The following ADGRL3 variants were observed in gnomAD, a reference collection of about 807,000 sequenced individuals.
ADGRL3 encodes adhesion G protein-coupled receptor L3, also known as calcium-independent alpha-latrotoxin receptor 3.
Under a neutral mutation model 153.5 loss-of-function variants are expected in ADGRL3, and 62 were observed. The observed-to-expected ratio is 0.40, with a 90% CI of 0.33 to 0.50. The LOEUF (loss-of-function observed/expected upper bound fraction) is 0.50. Among genes scored for constraint, ADGRL3 ranks in the 20% least tolerant of loss-of-function variants. The probability of loss-of-function intolerance (pLI) is 0.47; values close to 1 mark genes in which losing one functional copy is unlikely to be tolerated. For missense variants in ADGRL3, 1,641 were observed against 1,859.4 expected (o/e 0.88, Z 2.16); for synonymous variants, 710 against 672.5 (o/e 1.06, Z -0.86).
chr4:61,281,845 A>C (rs1384923733), intron 1 of ADGRL3, among the ~76,000 whole-genome samples: 1 of 152,152 alleles, frequency 6.6e-6, no homozygotes, highest in Non-Finnish European at 1.5e-5. Context: ...TTATATTTAA[A>C]AATAGTTTTT....
At chr4:61,577,262 T>G (rs1427292261) in intron 4 of ADGRL3, among the ~76,000 whole-genome samples, 1 of 151,312 alleles carries the variant, frequency 6.6e-6, no homozygotes, top group Non-Finnish European at 1.5e-5. Flanking sequence ...GTGAATAGAT[T>G]GTGCATTTCT....
chr4:61,722,000 A>T (rs1016295878), intron 6 of ADGRL3, among the ~76,000 whole-genome samples: 3 of 152,202 alleles, frequency 2.0e-5, no homozygotes, highest in African/African-American at 7.2e-5. Context: ...TTGGAAGATT[A>T]TAGTAATGAA....
rs546571193 is a variant in ADGRL3 at position 61,323,260 on chromosome 4, C to T, written c.-239-59864C>T. 7.9e-4 allele frequency among the ~76,000 whole-genome samples: 121 copies of T among 152,268 alleles called. 1 individual carries two copies. Among genetic ancestry groups the T allele is most frequent in the African/African-American group, 2.7e-3 (114 of 41,560 alleles). The stretch of plus-strand genomic sequence containing the variant: ...ACTTTTTCTACCTATGCCTTCAGGC[C>T]TGTGATGGGAGGGGCTGCTGCAAAG... On this transcript the variant is annotated intron_variant, in intron 1 of 26. Coordinates refer to ENST00000683033, the MANE Select transcript of ADGRL3 (RefSeq NM_001387552.1).
At chr4:61,382,647 G>A (rs116576525) in intron 1 of ADGRL3, among the ~76,000 whole-genome samples, 33 of 151,630 alleles carry the variant, frequency 2.2e-4, no homozygotes, top group African/African-American at 8.0e-4. Context: ...CAGTATTTGT[G>A]TCTGTATACA....
chr4:61,773,421 A>T (rs896791434), intron 8 of ADGRL3, among the ~76,000 whole-genome samples: 1 of 152,194 alleles, frequency 6.6e-6, no homozygotes, highest in Non-Finnish European at 1.5e-5. Flanking sequence ...AACAATCCAG[A>T]TTATAACCTC....
chr4:61,899,072 G>A (rs2098648811), intron 11 of ADGRL3, among the ~76,000 whole-genome samples: 1 of 152,102 alleles, frequency 6.6e-6, no homozygotes, highest in Non-Finnish European at 1.5e-5. Context: ...ATTCACCTGT[G>A]CAAGCTTCTA....
intron 5 of ADGRL3, among the ~76,000 whole-genome samples, chr4:61,642,211 C>T (rs1470279867): frequency 3.9e-4 from 59 of 151,132 alleles, no homozygotes; most frequent in African/African-American, 1.2e-3. Context: ...GAGTAGGTTG[C>T]GAAAATTTTC....
chr4:61,291,567 CAT>C (rs1164521408), intron 1 of ADGRL3, among the ~76,000 whole-genome samples: 6 of 134,368 alleles, frequency 4.5e-5, no homozygotes, highest in South Asian at 2.3e-4. Flanking sequence ...TATATATATA[CAT>C]ATATATATAT....
intron 9 of ADGRL3, among the ~76,000 whole-genome samples, chr4:61,864,046 G>A (rs1427124288): frequency 1.3e-5 from 2 of 152,146 alleles, no homozygotes; most frequent in Non-Finnish European, 2.9e-5. Flanking sequence ...TAGCTAGGTT[G>A]TCATCAAAAT....
At chr4:61,699,370 A>G (rs2095706391) in intron 6 of ADGRL3, among the ~76,000 whole-genome samples, 1 of 152,158 alleles carries the variant, frequency 6.6e-6, no homozygotes, top group Non-Finnish European at 1.5e-5. Flanking sequence ...TTTCATTATT[A>G]TTTTTCAGTA....
chr4:61,949,780 T>C (rs1479880929), intron 17 of ADGRL3, among the ~76,000 whole-genome samples: 1 of 152,214 alleles, frequency 6.6e-6, no homozygotes, highest in Non-Finnish European at 1.5e-5. Flanking sequence ...TGCATTAGTC[T>C]TTAAGATTAT....
chr4:62,043,587 A>G (rs565322611), intron 24 of ADGRL3, among the ~76,000 whole-genome samples: 14 of 152,252 alleles, frequency 9.2e-5, no homozygotes, highest in Admixed American at 5.9e-4. Context: ...AACCCATTGT[A>G]GGCATGGTTT....
intron 5 of ADGRL3, among the ~76,000 whole-genome samples, chr4:61,590,984 C>A (rs60292807): frequency 1.4e-3 from 216 of 152,206 alleles, no homozygotes; most frequent in African/African-American, 4.9e-3. Flanking sequence ...GTATATCATA[C>A]GTGTACACCT....
intron 1 of ADGRL3, among the ~76,000 whole-genome samples, chr4:61,229,323 G>A (rs1258033664): frequency 6.6e-6 from 1 of 152,162 alleles, no homozygotes; most frequent in Non-Finnish European, 1.5e-5. Context: ...GAGTTGTATA[G>A]ATAGCAACTG....
At chr4:61,616,639 C>T (rs893505958) in intron 5 of ADGRL3, among the ~76,000 whole-genome samples, 1 of 152,084 alleles carries the variant, frequency 6.6e-6, no homozygotes, top group Non-Finnish European at 1.5e-5. Context: ...ACCAAGATTT[C>T]CTTTATGATT....
Position 62,037,919 on chromosome 4 carries a change from G to T in ADGRL3, c.3717+63G>T. Reference sequence around the variant, plus strand: ...AACTATACCAGTTACTGTCCCTTATGATTGGAGCTAATTTCTAGCCTGTGT... The same window carrying T: ...AACTATACCAGTTACTGTCCCTTATTATTGGAGCTAATTTCTAGCCTGTGT... On this transcript the variant is annotated intron_variant, in intron 24 of 26. Transcript: ENST00000683033. 3.2e-6 allele frequency: 5 copies of T among 1,580,448 alleles called. No homozygotes were observed. The South Asian group carries it at 4.5e-5, about 14-fold the overall frequency.
intron 5 of ADGRL3, among the ~76,000 whole-genome samples, chr4:61,601,359 A>G (rs1194771517): frequency 6.6e-6 from 1 of 152,170 alleles, no homozygotes; most frequent in East Asian, 1.9e-4. Context: ...TAGAGAACAC[A>G]ATCTTAATTT....
At chr4:61,406,628 A>C (rs1396939290) in intron 2 of ADGRL3, among the ~76,000 whole-genome samples, 1 of 151,920 alleles carries the variant, frequency 6.6e-6, no homozygotes, top group Non-Finnish European at 1.5e-5. Flanking sequence ...TTTATTTATT[A>C]AAAAATACTA....
chr4:61,736,782 A>AC (rs1197394969), intron 8 of ADGRL3, among the ~76,000 whole-genome samples: 1 of 152,234 alleles, frequency 6.6e-6, no homozygotes, highest in Non-Finnish European at 1.5e-5. Flanking sequence ...CTTTTGAACA[A>AC]CGACAATTAA....
Sources: gnomAD v4.1 joint callset for allele counts (sites outside exome capture counted in the v4.1 genomes callset) on GRCh38, gnomAD v4.1.1 for gene constraint, MANE v1.5 for transcripts, NCBI Gene and HGNC (gene_info 2026-07-23, HGNC 2026-07-21) for gene names.